The following SPIRE1 variants were observed in gnomAD, a reference collection of about 807,000 sequenced individuals.
SPIRE1 encodes spire type actin nucleation factor 1, also known as protein spire homolog 1.
In SPIRE1, 40 loss-of-function variants were observed where a neutral mutation model predicts 94.1. The observed-to-expected ratio is 0.43, with a 90% CI of 0.33 to 0.55. The LOEUF is 0.55. SPIRE1 is among the 20% of genes least tolerant of loss of function. SPIRE1 has a pLI of 0.06. For missense variants in SPIRE1, 838 were observed against 975.2 expected, an observed-to-expected ratio of 0.86 and a Z score of 1.87; for synonymous variants, 376 against 371.7, an observed-to-expected ratio of 1.01 and a Z score of -0.13.
intron 2 of SPIRE1, among the ~76,000 whole-genome samples, chr18:12,582,182 A>C (rs995588723): frequency 1.3e-5 from 2 of 152,200 alleles, no homozygotes; most frequent in African/African-American, 4.8e-5. Flanking sequence ...ATCTTAGAAA[A>C]CAGGAAAAGC....
At chr18:12,585,020 GCTCTCGAA>G (rs909452446) in intron 2 of SPIRE1, among the ~76,000 whole-genome samples, 2 of 152,240 alleles carry the variant, frequency 1.3e-5, no homozygotes, top group South Asian at 2.1e-4. Context: ...TGTTCAGGCT[GCTCTCGAA>G]CTCTTGACCT....
chr18:12,614,820 GA>G (rs912189457), intron 2 of SPIRE1, among the ~76,000 whole-genome samples: 10 of 151,472 alleles, frequency 6.6e-5, no homozygotes, highest in African/African-American at 2.4e-4. Context: ...CTCTGTCTTA[GA>G]AAAAAAGAAA....
rs536302230 is a variant in SPIRE1, at chr18:12,505,918, C to A, written c.972+559G>T. Among the ~76,000 whole-genome samples, 12 of 152,138 alleles carry A rather than the reference C, an allele frequency of 7.9e-5. No individual in the cohort carries two copies. In the South Asian group the frequency reaches 2.1e-3, roughly 26 times the overall value. On this transcript the variant is annotated intron_variant, in intron 6 of 16. Coordinates refer to ENST00000409402, the MANE Select transcript of SPIRE1 (RefSeq NM_001128626.2). Reference sequence around the variant, plus strand: ...GCATTCTATATTAACTCACTTTGACCAAATAAAGTGCATAGAAACAAGGCT... The same window carrying A: ...GCATTCTATATTAACTCACTTTGACAAAATAAAGTGCATAGAAACAAGGCT...
intron 1 of SPIRE1, among the ~76,000 whole-genome samples, chr18:12,646,486 G>T (rs2038229080): frequency 6.6e-6 from 1 of 152,134 alleles, no homozygotes; most frequent in African/African-American, 2.4e-5. Context: ...ATGAATACAT[G>T]AAATCAGGTA....
chr18:12,463,093 G>GA (rs1450602467), intron 12 of SPIRE1, among the ~76,000 whole-genome samples: 1 of 152,072 alleles, frequency 6.6e-6, no homozygotes, highest in Non-Finnish European at 1.5e-5. Flanking sequence ...GCAGAGACGG[G>GA]ATCTCACAAT....
intron 8 of SPIRE1, among the ~76,000 whole-genome samples, chr18:12,491,404 T>G (rs2033227773): frequency 6.6e-6 from 1 of 151,764 alleles, no homozygotes; most frequent in Non-Finnish European, 1.5e-5. Context: ...TATTATAAAG[T>G]TACAATAACA....
intron 4 of SPIRE1, among the ~76,000 whole-genome samples, chr18:12,528,056 CA>C (rs149869128): frequency 0.53 from 72,946 of 138,186 alleles, 18,630 homozygotes; most frequent in South Asian, 0.75. Flanking sequence ...GACTCTATCT[CA>C]AAAAAAAAAA....
chr18:12,536,893 T>C (rs771089058), intron 3 of SPIRE1, among the ~76,000 whole-genome samples: 1 of 152,238 alleles, frequency 6.6e-6, no homozygotes, highest in Admixed American at 6.5e-5. Context: ...AATTTCTTAC[T>C]AGTCAGTAAA....
intron 2 of SPIRE1, among the ~76,000 whole-genome samples, chr18:12,606,727 C>T (rs995731878): frequency 1.1e-4 from 17 of 152,142 alleles, no homozygotes; most frequent in Admixed American, 1.0e-3. Context: ...GACCGGGTTT[C>T]GCCATGTTGG....
chr18:12,571,057 T>C (rs184024830), intron 2 of SPIRE1, among the ~76,000 whole-genome samples: 8 of 152,152 alleles, frequency 5.3e-5, no homozygotes, highest in African/African-American at 1.4e-4. Context: ...ATCTCAAACC[T>C]ATTTTATCCT....
upstream of SPIRE1, among the ~76,000 whole-genome samples, chr18:12,659,337 G>A (rs1194891068): frequency 2.0e-5 from 3 of 152,124 alleles, no homozygotes; most frequent in Non-Finnish European, 4.4e-5. Context: ...GAATGGGGAG[G>A]AGGGAGAAAA....
intron 2 of SPIRE1, among the ~76,000 whole-genome samples, chr18:12,573,803 A>G (rs1410498363): frequency 1.3e-5 from 2 of 151,778 alleles, no homozygotes; most frequent in South Asian, 4.2e-4. Flanking sequence ...GCAGTGGTGC[A>G]ATCTCGGCTC....
chr18:12,544,211 T>G (rs2035089564), intron 3 of SPIRE1, among the ~76,000 whole-genome samples: 1 of 151,484 alleles, frequency 6.6e-6, no homozygotes. Context: ...TTTTTTTTTC[T>G]TTTTTTGAGA....
rs138655306 is a variant in SPIRE1, at chr18:12,602,624, C to T, written c.372+32438G>A. ...AAAATGCTGCAGTATAATAAAAGGG[C>T]TGAAGCCATGGTCTCCCTGATTCTC... On this transcript the variant is annotated intron_variant, in intron 2 of 16. Transcript: ENST00000409402. Among the ~76,000 whole-genome samples the T allele has an allele frequency of 1.1e-3, 171 of 152,282 alleles. 1 individual carries two copies. Among genetic ancestry groups the T allele is most frequent in the East Asian group, 6.9e-3 (36 of 5,180 alleles).
intron 2 of SPIRE1, among the ~76,000 whole-genome samples, chr18:12,621,613 C>G (rs1377691005): frequency 6.6e-6 from 1 of 152,148 alleles, no homozygotes; most frequent in Non-Finnish European, 1.5e-5. Flanking sequence ...GAAGCCAGTC[C>G]TAAAATAACC....
At chr18:12,549,989 T>G (rs1292319918) in intron 2 of SPIRE1, among the ~76,000 whole-genome samples, 1 of 152,174 alleles carries the variant, frequency 6.6e-6, no homozygotes, top group Admixed American at 6.5e-5. Context: ...CATCTTTCTC[T>G]TTAATCCAAC....
At chr18:12,588,781 G>GT (rs1401702304) in intron 2 of SPIRE1, among the ~76,000 whole-genome samples, 8 of 151,900 alleles carry the variant, frequency 5.3e-5, no homozygotes, top group Non-Finnish European at 1.2e-4. Flanking sequence ...CTAAATCTTT[G>GT]TTTTTTTAAC....
chr18:12,496,001 T>C lies in SPIRE1; in HGVS notation c.1059+15A>G. 1 of 1,568,188 alleles carries C rather than the reference T, an allele frequency of 6.4e-7. No homozygotes were observed. The highest frequency in any genetic ancestry group is 8.8e-7 in the Non-Finnish European group (1 of 1,138,154). On this transcript the variant is annotated intron_variant, in intron 7 of 16. Coordinates refer to ENST00000409402, the MANE Select transcript of SPIRE1 (RefSeq NM_001128626.2). ...ATGATATCTCCAATCTAGAGAACTA[T>C]GTCGAATTACATACTGGATTTAAAG... is the stretch of plus-strand genomic sequence containing the variant.
chr18:12,494,131 T>G (rs1453649932), intron 7 of SPIRE1, among the ~76,000 whole-genome samples: 2 of 152,042 alleles, frequency 1.3e-5, no homozygotes, highest in Non-Finnish European at 2.9e-5. Flanking sequence ...CAGGCTGGTT[T>G]TGAATTCCCG....
Sources: allele counts gnomAD v4.1 joint callset (sites outside exome capture counted in the v4.1 genomes callset), GRCh38; gene constraint gnomAD v4.1.1; transcripts MANE v1.5; gene names NCBI Gene and HGNC (gene_info 2026-07-23, HGNC 2026-07-21).